LRRC49: variants seen among roughly 807,000 people sequenced by gnomAD.
LRRC49 encodes leucine-rich repeat-containing protein 49.
A neutral mutation model predicts 83.3 loss-of-function variants in LRRC49; 50 were observed. That is an observed-to-expected ratio of 0.60 (90% CI 0.48 to 0.76). LRRC49 has a LOEUF of 0.76. Ranked by LOEUF, LRRC49 falls within the 30% of genes least tolerant of loss-of-function variation. The pLI, the probability that LRRC49 is intolerant of heterozygous loss-of-function variation, is 0.00. For missense variants in LRRC49, 704 were observed against 809.1 expected (o/e 0.87, Z 1.58); for synonymous variants, 286 against 283.3 (o/e 1.01, Z -0.10).
chr15:71,039,075 G>A (rs1020546739), intron 15 of LRRC49, among the ~76,000 whole-genome samples: 20 of 152,126 alleles, frequency 1.3e-4, no homozygotes, highest in African/African-American at 4.8e-4. Context: ...GCCGATATGA[G>A]TCTTAAAAGA....
chr15:70,999,342 T>G (rs1180916323), intron 11 of LRRC49, among the ~76,000 whole-genome samples: 2 of 152,234 alleles, frequency 1.3e-5, no homozygotes, highest in Non-Finnish European at 1.5e-5. Flanking sequence ...TGTTGTCTTC[T>G]ATTTTTTTAA....
intron 8 of LRRC49, among the ~76,000 whole-genome samples, chr15:70,944,754 A>G (rs2035949388): frequency 6.6e-6 from 1 of 152,100 alleles, no homozygotes; most frequent in South Asian, 2.1e-4. Flanking sequence ...TCACCCTTTA[A>G]TCAAAGTGCC....
chr15:70,864,362 C>T (rs2032865543), intron 1 of LRRC49, among the ~76,000 whole-genome samples: 1 of 152,076 alleles, frequency 6.6e-6, no homozygotes, highest in Non-Finnish European at 1.5e-5. Context: ...CCGAGAGGCC[C>T]TGAGGCATGG....
At chr15:70,998,668 G>A (rs1188378375) in intron 11 of LRRC49, among the ~76,000 whole-genome samples, 1 of 151,842 alleles carries the variant, frequency 6.6e-6, no homozygotes, top group Non-Finnish European at 1.5e-5. Flanking sequence ...GGATCTATGA[G>A]TTTATCCTAG....
chr15:71,048,681 T>A (rs1341565869), intron 15 of LRRC49: 1 of 415,128 alleles, frequency 2.4e-6, no homozygotes, highest in African/African-American at 2.1e-5. Flanking sequence ...TTAAACAAAA[T>A]CACTTTGTTT....
intron 1 of LRRC49, among the ~76,000 whole-genome samples, chr15:70,856,126 G>T (rs2032649083): frequency 6.6e-6 from 1 of 152,112 alleles, no homozygotes; most frequent in South Asian, 2.1e-4. Context: ...GTTTCCAAAT[G>T]CCTGATCATA....
At chr15:70,936,866 T>G (rs1260849407) in intron 8 of LRRC49, 44 bp downstream of exon 8, 16 of 1,260,290 alleles carry the variant, frequency 1.3e-5, no homozygotes, top group Non-Finnish European at 1.7e-5. Flanking sequence ...AACTTGATTG[T>G]GTGAGTTCTA....
intron 7 of LRRC49, among the ~76,000 whole-genome samples, chr15:70,933,325 T>A: frequency 6.6e-6 from 1 of 152,148 alleles, no homozygotes; most frequent in Non-Finnish European, 1.5e-5. Flanking sequence ...CTATAAATAT[T>A]CCCCTACATG....
chr15:71,019,078 C>T (rs1193592023), intron 14 of LRRC49, among the ~76,000 whole-genome samples: 4 of 152,180 alleles, frequency 2.6e-5, no homozygotes, highest in African/African-American at 9.7e-5. Context: ...TCCACATGTT[C>T]ATCTATCCAG....
intron 5 of LRRC49, among the ~76,000 whole-genome samples, chr15:70,906,687 A>C (rs975690385): frequency 6.6e-6 from 1 of 152,102 alleles, no homozygotes; most frequent in Non-Finnish European, 1.5e-5. Flanking sequence ...TGTGCCTTGA[A>C]GGTACCAGTC....
At chr15:70,877,576 C>T (rs569657847) in intron 2 of LRRC49, among the ~76,000 whole-genome samples, 1 of 152,084 alleles carries the variant, frequency 6.6e-6, no homozygotes, top group Admixed American at 6.5e-5. Context: ...ACTTCAATTT[C>T]CTTATCCACT....
chr15:70,895,203 A>C (rs1299933347), intron 2 of LRRC49, among the ~76,000 whole-genome samples: 2 of 152,162 alleles, frequency 1.3e-5, no homozygotes, highest in African/African-American at 2.4e-5. Context: ...GGCTAATCAT[A>C]AGAAGTTGTT....
At chr15:70,903,083 A>G (rs535548209) in intron 4 of LRRC49, among the ~76,000 whole-genome samples, 16 of 152,280 alleles carry the variant, frequency 1.1e-4, no homozygotes, top group Admixed American at 9.8e-4. Flanking sequence ...TGACCGATTC[A>G]AGAATTGGAT....
intron 14 of LRRC49, among the ~76,000 whole-genome samples, chr15:71,023,140 C>T (rs1463397008): frequency 1.3e-5 from 2 of 151,996 alleles, no homozygotes; most frequent in East Asian, 3.9e-4. Flanking sequence ...CTTGTGGGAT[C>T]AAGTTAAAGT....
At chr15:70,992,186 C>G (rs1370183885) in intron 11 of LRRC49, among the ~76,000 whole-genome samples, 1 of 152,206 alleles carries the variant, frequency 6.6e-6, no homozygotes, top group African/African-American at 2.4e-5. Context: ...CTTCTCTACA[C>G]TGGTTATTCT....
In LRRC49 at chr15:71,022,026, G is replaced by A. The variant is rs140110513; in HGVS notation, c.1703+9113G>A. 2.3e-3 allele frequency among the ~76,000 whole-genome samples: 346 copies of A among 152,268 alleles called. 1 individual carries two copies. Among genetic ancestry groups the A allele is most frequent in the African/African-American group, 7.7e-3 (319 of 41,550 alleles). On this transcript the variant is annotated intron_variant, in intron 14 of 15. Coordinates refer to ENST00000260382, the MANE Select transcript of LRRC49 (RefSeq NM_017691.5). ...AGGAAGCCATAATACAACCATCAAT[G>A]TAATGAATCCACCTCAATGATAAAA...
At chr15:71,013,368 C>T (rs1239027192) in intron 14 of LRRC49, among the ~76,000 whole-genome samples, 2 of 152,184 alleles carry the variant, frequency 1.3e-5, no homozygotes, top group African/African-American at 2.4e-5. Flanking sequence ...GGAAATGAAG[C>T]TAGAAAGACT....
At chr15:71,036,714 C>G (rs2039531046) in intron 14 of LRRC49, among the ~76,000 whole-genome samples, 2 of 152,118 alleles carry the variant, frequency 1.3e-5, no homozygotes, top group Non-Finnish European at 1.5e-5. Flanking sequence ...TTGGTTTTGC[C>G]TAAACTTAAG....
At chr15:70,862,885 A>G (rs1373522900) in intron 1 of LRRC49, among the ~76,000 whole-genome samples, 2 of 152,072 alleles carry the variant, frequency 1.3e-5, no homozygotes, top group East Asian at 3.9e-4. Context: ...TGCATTTCTC[A>G]TGTGCACTAT....
Sources: allele counts gnomAD v4.1 joint callset (sites outside exome capture counted in the v4.1 genomes callset), GRCh38; gene constraint gnomAD v4.1.1; transcripts MANE v1.5; gene names NCBI Gene and HGNC (gene_info 2026-07-23, HGNC 2026-07-21).